TBC1D1: variants seen among roughly 807,000 people sequenced by gnomAD.
The protein encoded by TBC1D1 is TBC1 domain family member 1.
Under a neutral mutation model 125.6 loss-of-function variants are expected in TBC1D1, and 89 were observed. The ratio of observed to expected loss-of-function variants is 0.71; its 90% CI spans 0.60 to 0.85. The LOEUF is 0.85. TBC1D1 is among the 40% of genes least tolerant of loss of function. TBC1D1 has a pLI of 0.00. For synonymous variants in TBC1D1, 565 were observed against 564.1 expected (o/e 1.00, Z -0.02); for missense variants, 1,377 against 1,469.2 (o/e 0.94, Z 1.03).
intron 2 of TBC1D1, among the ~76,000 whole-genome samples, chr4:38,001,583 CA>C (rs1401626688): frequency 6.6e-6 from 1 of 152,092 alleles, no homozygotes; most frequent in African/African-American, 2.4e-5. Flanking sequence ...ATCTAGGACC[CA>C]AAAAGAGTCA....
chr4:38,016,991 A>G (rs1284465379), intron 3 of TBC1D1, among the ~76,000 whole-genome samples: 1 of 152,168 alleles, frequency 6.6e-6, no homozygotes, highest in South Asian at 2.1e-4. Context: ...TGGTAAGTGC[A>G]GTGGGAGTGG....
At chr4:37,895,921 T>C (rs1678770522) in intron 1 of TBC1D1, among the ~76,000 whole-genome samples, 1 of 152,102 alleles carries the variant, frequency 6.6e-6, no homozygotes, top group African/African-American at 2.4e-5. Flanking sequence ...ACTGCTCCCG[T>C]TGGGGTGGAA....
intron 11 of TBC1D1, chr4:38,051,962 TC>T (rs1373727753): frequency 6.4e-7 from 1 of 1,550,652 alleles, no homozygotes; most frequent in Non-Finnish European, 8.7e-7. Flanking sequence ...CTCCTGCTCC[TC>T]CACCTCGTCT....
intron 14 of TBC1D1, among the ~76,000 whole-genome samples, chr4:38,097,622 G>A (rs1271426891): frequency 2.0e-5 from 3 of 152,130 alleles, no homozygotes; most frequent in Non-Finnish European, 4.4e-5. Context: ...GATTACAGGT[G>A]TGAGCCACCG....
At chr4:38,071,477 A>G (rs773347172) in intron 12 of TBC1D1, among the ~76,000 whole-genome samples, 2 of 152,218 alleles carry the variant, frequency 1.3e-5, no homozygotes, top group South Asian at 2.1e-4. Context: ...ATCTTCTCCC[A>G]TTACTCATCC....
At chr4:38,078,435 G>A (rs1180305503) in intron 12 of TBC1D1, among the ~76,000 whole-genome samples, 1 of 152,154 alleles carries the variant, frequency 6.6e-6, no homozygotes, top group Admixed American at 6.5e-5. Context: ...ATTTGCTCCT[G>A]CTATGGACTG....
intron 4 of TBC1D1, among the ~76,000 whole-genome samples, chr4:38,019,218 A>G (rs35389350): frequency 0.16 from 23,763 of 152,022 alleles, 2,126 homozygotes; most frequent in African/African-American, 0.23. Context: ...TTGATAAAAT[A>G]TGAAAATGTC....
intron 2 of TBC1D1, among the ~76,000 whole-genome samples, chr4:37,964,575 C>T (rs1730712786): frequency 6.6e-6 from 1 of 152,230 alleles, no homozygotes. Context: ...TCCGGCAGCA[C>T]AGCTCCTGCT....
At chr4:38,035,219 T>A (rs1478729331) in intron 7 of TBC1D1, among the ~76,000 whole-genome samples, 1 of 152,260 alleles carries the variant, frequency 6.6e-6, no homozygotes, top group East Asian at 1.9e-4. Context: ...TCCTTGCCCG[T>A]TCCCTAAGAG....
chr4:38,069,564 T>TA (rs1754337830), intron 12 of TBC1D1, among the ~76,000 whole-genome samples: 2 of 152,120 alleles, frequency 1.3e-5, no homozygotes, highest in Non-Finnish European at 2.9e-5. Flanking sequence ...TGAGGCCATG[T>TA]AATTTTTTTT....
intron 12 of TBC1D1, among the ~76,000 whole-genome samples, chr4:38,083,723 A>AT (rs1465984885): frequency 6.6e-6 from 1 of 152,202 alleles, no homozygotes; most frequent in Non-Finnish European, 1.5e-5. Context: ...GTTCAATCCC[A>AT]GATACCTGGC....
intron 14 of TBC1D1, among the ~76,000 whole-genome samples, chr4:38,101,830 C>T (rs763614909): frequency 6.6e-6 from 1 of 152,310 alleles, no homozygotes; most frequent in Non-Finnish European, 1.5e-5. Context: ...GCCAGCTGCT[C>T]TCTTCCACAT....
At position 38,121,756 on chromosome 4, in the gene TBC1D1, C is replaced by T. The variant is rs1162482333; in HGVS notation, c.2963-3206C>T. Among the ~76,000 whole-genome samples the T allele has an allele frequency of 4.0e-5, 6 of 151,820 alleles. No individual in the cohort carries two copies. The East Asian group carries it at 9.7e-4, about 24-fold the overall frequency. On this transcript the variant is annotated intron_variant, in intron 17 of 19. Coordinates refer to ENST00000261439, the MANE Select transcript of TBC1D1 (RefSeq NM_015173.4). ...TCCAGAATGTAAATGTATAAGATACCGGAAGACAGGCAAAATAAAAATAAT... is the reference window on the plus strand; with the variant it reads ...TCCAGAATGTAAATGTATAAGATACTGGAAGACAGGCAAAATAAAAATAAT...
intron 12 of TBC1D1, 80 bp downstream of exon 14, chr4:38,054,418 A>G: frequency 6.3e-7 from 1 of 1,584,166 alleles, no homozygotes; most frequent in Non-Finnish European, 8.6e-7. Flanking sequence ...ATTGGTAAGA[A>G]AGCAGAGCGC....
chr4:38,007,854 G>A (rs576822023), intron 2 of TBC1D1, among the ~76,000 whole-genome samples: 22 of 152,310 alleles, frequency 1.4e-4, no homozygotes, highest in Middle Eastern at 3.4e-3. Flanking sequence ...GGTGGCATGC[G>A]GAGGAGGCCT....
At chr4:38,096,197 T>G in intron 14 of TBC1D1, 107 bp downstream of exon 16, 2 of 848,560 alleles carry the variant, frequency 2.4e-6, no homozygotes, top group South Asian at 3.6e-5. Context: ...CCATCTCCCT[T>G]CTTTTCATCA....
At position 38,095,967 on chromosome 4, in the gene TBC1D1, G is replaced by C; in HGVS notation, c.2275G>C (p.Asp759His). The change falls in exon 14 of 20, where the codon GAT becomes CAT. Residue 759 changes from aspartate (D) to histidine (H), a missense_variant. This residue lies in a region of TBC1D1 where 543 missense variants were observed against 613.5 expected (regional missense o/e 0.89). Transcript: ENST00000261439. ...TTTGCTGAACAAGCGCCTGAAGCTC[G>C]ATTATGAAGAAATTACTCCCTGTCT... 10 of 1,613,866 alleles carry C rather than the reference G, an allele frequency of 6.2e-6. No individual in the cohort carries two copies. The highest frequency in any genetic ancestry group is 7.6e-6 in the Non-Finnish European group (9 of 1,179,874).
At chr4:38,084,435 G>C (rs936855288) in intron 12 of TBC1D1, among the ~76,000 whole-genome samples, 1 of 152,248 alleles carries the variant, frequency 6.6e-6, no homozygotes, top group East Asian at 1.9e-4. Flanking sequence ...CCAGGCATGG[G>C]ATATGGCAGG....
At chr4:37,984,610 G>A (rs910394140) in intron 2 of TBC1D1, among the ~76,000 whole-genome samples, 1 of 152,160 alleles carries the variant, frequency 6.6e-6, no homozygotes, top group South Asian at 2.1e-4. Context: ...TTGGGAGGCT[G>A]AGGTGGGTGG....
Sources: allele counts gnomAD v4.1 joint callset (sites outside exome capture counted in the v4.1 genomes callset), GRCh38; gene constraint gnomAD v4.1.1; regional missense constraint gnomAD v4.1.1; transcripts MANE v1.5; gene names NCBI Gene and HGNC (gene_info 2026-07-23, HGNC 2026-07-21).